The following PCDH11X variants were observed in gnomAD, a reference collection of about 807,000 sequenced individuals.
PCDH11X encodes the protein protocadherin-11 X-linked.
In PCDH11X, 18 loss-of-function variants were observed where a neutral mutation model predicts 53.3. The ratio of observed to expected loss-of-function variants is 0.34; its 90% CI spans 0.23 to 0.50. PCDH11X has a LOEUF of 0.50. Among genes scored for constraint, PCDH11X ranks in the 20% least tolerant of loss-of-function variants. PCDH11X has a pLI of 0.98. For missense variants in PCDH11X, 570 were observed against 1,032.4 expected, an observed-to-expected ratio of 0.55 and a Z score of 6.14; for synonymous variants, 279 against 393.3, an observed-to-expected ratio of 0.71 and a Z score of 3.44.
rs192469845 is a variant in PCDH11X at position 92,589,049 on chromosome X, C to A, written c.3368-29215C>A. 7.8e-4 allele frequency among the ~76,000 whole-genome samples: 86 copies of A among 110,775 alleles called. 2 individuals carry two copies. The Admixed American group carries it at 8.3e-3, about 11-fold the overall frequency. ...CTAACAGGAAACAAAACAAAACAAC[C>A]AACAACAACAACAAAGAAAACCCTT... On this transcript the variant is annotated intron_variant, in intron 10 of 10. Coordinates refer to ENST00000682573, the MANE Select transcript of PCDH11X (RefSeq NM_032968.5).
intron 10 of PCDH11X, among the ~76,000 whole-genome samples, chrX:92,613,545 TTG>T (rs201132708): frequency 0.11 from 6,998 of 65,069 alleles, 645 homozygotes; most frequent in African/African-American, 0.32. Flanking sequence ...GTTGTTGTTG[TTG>T]TGTGTGTGTG....
At chrX:92,009,485 T>C (rs2062653807) in intron 6 of PCDH11X, among the ~76,000 whole-genome samples, 1 of 110,806 alleles carries the variant, frequency 9.0e-6, no homozygotes, top group Admixed American at 9.7e-5. Context: ...GCAATGCCAT[T>C]ATCATGCTGT....
At chrX:92,356,822 T>C (rs5984936) in intron 8 of PCDH11X, among the ~76,000 whole-genome samples, 2,060 of 105,921 alleles carry the variant, frequency 0.019, 55 homozygotes, top group African/African-American at 0.066. Context: ...CATAGTTATT[T>C]ACTTAAAGTG....
chrX:92,426,387 AAG>A (rs2072114309), intron 9 of PCDH11X, among the ~76,000 whole-genome samples: 1 of 107,601 alleles, frequency 9.3e-6, no homozygotes, highest in African/African-American at 3.4e-5. Context: ...AAGGTAGAGA[AAG>A]AGAGCAACCA....
intron 6 of PCDH11X, among the ~76,000 whole-genome samples, chrX:92,155,827 A>C (rs1300648284): frequency 9.4e-6 from 1 of 106,916 alleles, no homozygotes; most frequent in African/African-American, 3.4e-5. Context: ...ACGGGGTTTC[A>C]CCATATTTGC....
At chrX:91,994,926 G>A in intron 6 of PCDH11X, among the ~76,000 whole-genome samples, 1 of 111,393 alleles carries the variant, frequency 9.0e-6, no homozygotes, top group Non-Finnish European at 1.9e-5. Context: ...TCATGTGCTT[G>A]TTAGCCATCA....
intron 8 of PCDH11X, among the ~76,000 whole-genome samples, chrX:92,368,888 C>T (rs1603291184): frequency 9.1e-6 from 1 of 110,069 alleles, no homozygotes; most frequent in Non-Finnish European, 1.9e-5. Context: ...CCCAGAGGGG[C>T]ACCAGCCTGA....
At chrX:92,389,236 A>G (rs12390640) in intron 9 of PCDH11X, among the ~76,000 whole-genome samples, 3,867 of 110,134 alleles carry the variant, frequency 0.035, 144 homozygotes, top group African/African-American at 0.11. Context: ...TCTTTAATTT[A>G]CTTTGTTTAG....
At chrX:92,031,606 A>G (rs2063051827) in intron 6 of PCDH11X, among the ~76,000 whole-genome samples, 1 of 111,950 alleles carries the variant, frequency 8.9e-6, no homozygotes, top group Admixed American at 9.5e-5. Context: ...TGTTCATTTC[A>G]TAATTTCATG....
intron 6 of PCDH11X, among the ~76,000 whole-genome samples, chrX:92,198,856 CA>C (rs1017997468): frequency 2.7e-5 from 3 of 110,286 alleles, no homozygotes; most frequent in South Asian, 3.7e-4. Context: ...TACTTTTTGA[CA>C]AAAAAAATTG....
intron 6 of PCDH11X, among the ~76,000 whole-genome samples, chrX:92,193,180 C>A (rs752920984): frequency 9.0e-6 from 1 of 111,664 alleles, no homozygotes; most frequent in African/African-American, 3.2e-5. Flanking sequence ...TTCCTGCAAG[C>A]AAAATTACAT....
intron 5 of PCDH11X, among the ~76,000 whole-genome samples, chrX:91,848,830 A>C (rs1937843551): frequency 8.9e-6 from 1 of 111,799 alleles, no homozygotes; most frequent in East Asian, 2.8e-4. Flanking sequence ...GTCCACAAAA[A>C]AATTTCTACG....
chrX:92,221,262 A>AT (rs1381061424), intron 7 of PCDH11X, among the ~76,000 whole-genome samples: 1 of 92,059 alleles, frequency 1.1e-5, no homozygotes, highest in African/African-American at 3.8e-5. Flanking sequence ...TTTTTAAAAA[A>AT]GAAAACATTG....
At chrX:92,320,782 A>G (rs760159813) in intron 8 of PCDH11X, among the ~76,000 whole-genome samples, 3 of 111,653 alleles carry the variant, frequency 2.7e-5, no homozygotes, top group Non-Finnish European at 5.6e-5. Flanking sequence ...AAGACCAGAG[A>G]CAGGCACTTT....
At chrX:92,144,614 T>G (rs2065241290) in intron 6 of PCDH11X, among the ~76,000 whole-genome samples, 1 of 111,646 alleles carries the variant, frequency 9.0e-6, no homozygotes, top group African/African-American at 3.3e-5. Context: ...TTCTTCCCAG[T>G]CTTGGTTATG....
At chrX:92,412,463 T>A (rs1166344416) in intron 9 of PCDH11X, among the ~76,000 whole-genome samples, 3 of 98,193 alleles carry the variant, frequency 3.1e-5, no homozygotes, top group African/African-American at 1.1e-4. Flanking sequence ...TTGTTGACAA[T>A]TTAATTTCTA....
chrX:92,239,671 G>A (rs73245233), intron 7 of PCDH11X, among the ~76,000 whole-genome samples: 2,809 of 111,584 alleles, frequency 0.025, 36 homozygotes, highest in Non-Finnish European at 0.036. Context: ...GGAACCAACT[G>A]TCTGATTGAA....
At chrX:92,264,120 T>G (rs1282419124) in intron 8 of PCDH11X, among the ~76,000 whole-genome samples, 1 of 112,224 alleles carries the variant, frequency 8.9e-6, no homozygotes, top group African/African-American at 3.2e-5. Flanking sequence ...GAAAAAGCAC[T>G]TGCCAGAGAG....
chrX:92,551,964 G>T (rs2074963603), intron 10 of PCDH11X, among the ~76,000 whole-genome samples: 1 of 82,465 alleles, frequency 1.2e-5, no homozygotes, highest in Non-Finnish European at 2.4e-5. Flanking sequence ...AGTATAATTT[G>T]AAGTCAGGTA....
Sources: allele counts gnomAD v4.1 joint callset (sites outside exome capture counted in the v4.1 genomes callset), GRCh38; gene constraint gnomAD v4.1.1; transcripts MANE v1.5; gene names NCBI Gene and HGNC (gene_info 2026-07-23, HGNC 2026-07-21).